Variants in MACROD2 observed in about 807,000 individuals in gnomAD.
MACROD2 encodes the protein ADP-ribose glycohydrolase MACROD2.
A neutral mutation model predicts 70.4 loss-of-function variants in MACROD2; 36 were observed. The ratio of observed to expected loss-of-function variants is 0.51; its 90% CI spans 0.39 to 0.68. MACROD2 has a LOEUF of 0.68. Ranked by LOEUF, MACROD2 falls within the 30% of genes least tolerant of loss-of-function variation. MACROD2 has a pLI of 0.00. For synonymous variants in MACROD2, 172 were observed against 178.8 expected (o/e 0.96, Z 0.30); for missense variants, 496 against 538.4 (o/e 0.92, Z 0.78).
intron 7 of MACROD2, among the ~76,000 whole-genome samples, chr20:15,493,748 A>T (rs2146479546): frequency 6.6e-6 from 1 of 152,348 alleles, no homozygotes; most frequent in East Asian, 1.9e-4. Flanking sequence ...GCTGCATTGG[A>T]ACCATTCTGG....
intron 2 of MACROD2, among the ~76,000 whole-genome samples, chr20:14,071,959 A>G (rs1439396059): frequency 1.3e-5 from 2 of 152,176 alleles, no homozygotes; most frequent in Non-Finnish European, 2.9e-5. Flanking sequence ...ACTAAACAGA[A>G]TTTCAGTGTA....
At chr20:14,996,119 G>T (rs191516144) in intron 5 of MACROD2, among the ~76,000 whole-genome samples, 5 of 152,134 alleles carry the variant, frequency 3.3e-5, no homozygotes, top group African/African-American at 9.7e-5. Flanking sequence ...AAATGAAGGG[G>T]CCAAGAATTG....
At chr20:15,147,976 C>T (rs929696846) in intron 5 of MACROD2, among the ~76,000 whole-genome samples, 64 of 152,064 alleles carry the variant, frequency 4.2e-4, no homozygotes, top group African/African-American at 1.0e-3. Context: ...AGGCAGGAAC[C>T]GGCCATCTCT....
chr20:14,307,973 A>G (rs937276900), intron 3 of MACROD2, among the ~76,000 whole-genome samples: 1 of 152,158 alleles, frequency 6.6e-6, no homozygotes, highest in African/African-American at 2.4e-5. Context: ...TTGACAATTA[A>G]GGCATAAAAA....
chr20:14,293,457 A>G (rs1277289446), intron 3 of MACROD2, among the ~76,000 whole-genome samples: 3 of 151,964 alleles, frequency 2.0e-5, no homozygotes, highest in African/African-American at 7.3e-5. Context: ...ATGACAGTTC[A>G]GGTGAGACCT....
intron 3 of MACROD2, among the ~76,000 whole-genome samples, chr20:14,477,863 A>T (rs547506825): frequency 6.6e-6 from 1 of 152,300 alleles, no homozygotes; most frequent in South Asian, 2.1e-4. Flanking sequence ...ACTGGAATTG[A>T]AAACTAAAAC....
intron 3 of MACROD2, among the ~76,000 whole-genome samples, chr20:14,200,369 A>G (rs2081469251): frequency 6.6e-6 from 1 of 152,146 alleles, no homozygotes; most frequent in Non-Finnish European, 1.5e-5. Flanking sequence ...ACTGGGGCCT[A>G]TCAGAGGGAG....
intron 5 of MACROD2, among the ~76,000 whole-genome samples, chr20:15,175,864 T>C (rs1312358660): frequency 2.0e-5 from 3 of 152,068 alleles, no homozygotes; most frequent in African/African-American, 4.8e-5. Context: ...CCCTACCAAG[T>C]TGATGGGGCA....
At position 15,926,985 on chromosome 20, in the gene MACROD2, C is replaced by G. The variant is rs928428188; in HGVS notation, c.776-6291C>G. On this transcript the variant is annotated intron_variant, in intron 10 of 17. Transcript: ENST00000684519. ...AAACACATCAGGAAGCCATTGCCAC[C>G]ACCCAGGATAGAGGGGATGGAGGAT... Among the ~76,000 whole-genome samples the G allele has an allele frequency of 2.6e-5, 4 of 152,130 alleles. No individual in the cohort carries two copies. In the East Asian group the frequency reaches 7.7e-4, roughly 29 times the overall value.
chr20:14,787,369 A>G (rs565778217), intron 5 of MACROD2, among the ~76,000 whole-genome samples: 2 of 152,184 alleles, frequency 1.3e-5, no homozygotes, highest in Admixed American at 6.6e-5. Context: ...AACATCTGTC[A>G]TTGTTAAAGA....
At chr20:14,548,693 G>A (rs1214642267) in intron 4 of MACROD2, among the ~76,000 whole-genome samples, 1 of 13,162 alleles carries the variant, frequency 7.6e-5, no homozygotes, top group Non-Finnish European at 2.0e-4. Flanking sequence ...ACTCCAGCCT[G>A]GGCGACAGAG....
chr20:14,458,765 A>G (rs2084333330), intron 3 of MACROD2, among the ~76,000 whole-genome samples: 1 of 152,108 alleles, frequency 6.6e-6, no homozygotes. Flanking sequence ...CCTGAAATAT[A>G]CTGAATTAGT....
intron 6 of MACROD2, among the ~76,000 whole-genome samples, chr20:15,344,104 A>G (rs2078138157): frequency 6.6e-6 from 1 of 152,200 alleles, no homozygotes; most frequent in African/African-American, 2.4e-5. Flanking sequence ...TATCCAGATG[A>G]TAGTAAAAAT....
chr20:14,866,987 T>C (rs994767896), intron 5 of MACROD2, among the ~76,000 whole-genome samples: 22 of 152,078 alleles, frequency 1.4e-4, no homozygotes, highest in African/African-American at 4.8e-4. Context: ...ACAGTAATTT[T>C]CCCCCCTGCC....
chr20:15,279,363 T>C (rs1329487866), intron 6 of MACROD2, among the ~76,000 whole-genome samples: 1 of 152,094 alleles, frequency 6.6e-6, no homozygotes, highest in Non-Finnish European at 1.5e-5. Context: ...CTGGCTACTT[T>C]CTACAGAAGC....
chr20:15,551,842 C>G (rs1172689578), intron 8 of MACROD2, among the ~76,000 whole-genome samples: 8 of 137,312 alleles, frequency 5.8e-5, no homozygotes, highest in African/African-American at 2.0e-4. Flanking sequence ...GCACTCCAGC[C>G]TGGCAGACAG....
chr20:15,727,577 A>G (rs764148487), intron 8 of MACROD2, among the ~76,000 whole-genome samples: 10 of 152,086 alleles, frequency 6.6e-5, no homozygotes, highest in Non-Finnish European at 1.3e-4. Flanking sequence ...TGAGCATGGA[A>G]TGTTTTTCCA....
At chr20:15,435,392 A>AAC (rs1356743411) in intron 7 of MACROD2, among the ~76,000 whole-genome samples, 7 of 152,148 alleles carry the variant, frequency 4.6e-5, no homozygotes, top group Non-Finnish European at 5.9e-5. Flanking sequence ...TAATAATTTA[A>AAC]ACACACACAC....
intron 8 of MACROD2, among the ~76,000 whole-genome samples, chr20:15,525,995 G>A (rs564464357): frequency 5.3e-5 from 8 of 152,216 alleles, no homozygotes; most frequent in Admixed American, 3.9e-4. Flanking sequence ...ATAAAAAGAT[G>A]TTTTATTTTT....
Sources: gnomAD v4.1 joint callset for allele counts (sites outside exome capture counted in the v4.1 genomes callset) on GRCh38, gnomAD v4.1.1 for gene constraint, MANE v1.5 for transcripts, NCBI Gene and HGNC (gene_info 2026-07-23, HGNC 2026-07-21) for gene names.